The following PVT1 variants were observed in gnomAD, a reference collection of about 807,000 sequenced individuals.
PVT1 encodes the protein Pvt1 oncogene.
intron 3 of PVT1, chr8:127,960,528 T>C (rs1343097853): frequency 3.0e-6 from 1 of 328,056 alleles, no homozygotes; most frequent in South Asian, 2.8e-5. Context: ...AAGATGCTTT[T>C]GAAGTTCAGT....
chr8:127,864,771 AT>A (rs1273646901), intron 2 of PVT1, among the ~76,000 whole-genome samples: 2 of 151,942 alleles, frequency 1.3e-5, no homozygotes, highest in Admixed American at 1.3e-4. Flanking sequence ...GATGGTCTCG[AT>A]CTCCTGACCT....
chr8:128,049,139 C>G (rs778082643), intron 4 of PVT1: 7 of 526,440 alleles, frequency 1.3e-5, no homozygotes, highest in South Asian at 7.0e-5. Flanking sequence ...TCCTGGCCGC[C>G]AGGCCTCCAT....
intron 3 of PVT1, among the ~76,000 whole-genome samples, chr8:127,909,023 G>A (rs189350676): frequency 9.9e-5 from 15 of 152,122 alleles, no homozygotes; most frequent in Non-Finnish European, 1.5e-5. Flanking sequence ...TTTTCCCCAC[G>A]TGGCCCCTGC....
intron 4 of PVT1, among the ~76,000 whole-genome samples, chr8:128,029,478 A>C (rs776920441): frequency 6.6e-6 from 1 of 152,188 alleles, no homozygotes; most frequent in Non-Finnish European, 1.5e-5. Context: ...ACAATTTAAG[A>C]AATTTAGATA....
At chr8:128,002,079 C>T (rs1461803083) in intron 4 of PVT1, among the ~76,000 whole-genome samples, 1 of 152,214 alleles carries the variant, frequency 6.6e-6, no homozygotes, top group East Asian at 1.9e-4. Flanking sequence ...CTTTCTGTCC[C>T]TCTGATGCCA....
At chr8:127,984,915 T>TTC (rs754743990) in intron 3 of PVT1, among the ~76,000 whole-genome samples, 1,133 of 56,904 alleles carry the variant, frequency 0.02, 28 homozygotes, top group Non-Finnish European at 0.033. Flanking sequence ...CTTTCTTTCT[T>TTC]TCTTTCTCTT....
chr8:127,825,549 T>C (rs1814777856), intron 2 of PVT1, among the ~76,000 whole-genome samples: 1 of 152,210 alleles, frequency 6.6e-6, no homozygotes, highest in Non-Finnish European at 1.5e-5. Flanking sequence ...GGGCACAGCT[T>C]TGAAGGGCAC....
chr8:128,059,485 T>C (rs1813804371), intron 4 of PVT1, among the ~76,000 whole-genome samples: 1 of 152,196 alleles, frequency 6.6e-6, no homozygotes, highest in South Asian at 2.1e-4. Flanking sequence ...AAGAAGAATA[T>C]TTTGTGATAT....
intron 2 of PVT1, among the ~76,000 whole-genome samples, chr8:127,843,364 A>T (rs1333545026): frequency 6.6e-6 from 1 of 152,104 alleles, no homozygotes; most frequent in Non-Finnish European, 1.5e-5. Flanking sequence ...ACAAACAACA[A>T]AACAGGTAAT....
At chr8:127,990,990 A>G (rs754521708) in intron 4 of PVT1, among the ~76,000 whole-genome samples, 9 of 152,084 alleles carry the variant, frequency 5.9e-5, no homozygotes, top group African/African-American at 1.7e-4. Context: ...AATCCTTTCC[A>G]TTGTTTAGAG....
At chr8:127,906,539 T>C (rs955971697) in intron 3 of PVT1, among the ~76,000 whole-genome samples, 7 of 152,114 alleles carry the variant, frequency 4.6e-5, no homozygotes, top group African/African-American at 1.4e-4. Flanking sequence ...CTCTTTGGTG[T>C]GACGAATGGG....
At chr8:127,805,460 A>G (rs191933513) in intron 2 of PVT1, among the ~76,000 whole-genome samples, 133 of 152,234 alleles carry the variant, frequency 8.7e-4, no homozygotes, top group Admixed American at 2.7e-3. Context: ...TGAGATTTGC[A>G]CAGAAGCTGA....
chr8:127,885,420 G>A (rs1350530972), intron 2 of PVT1, among the ~76,000 whole-genome samples: 1 of 152,172 alleles, frequency 6.6e-6, no homozygotes, highest in Non-Finnish European at 1.5e-5. Flanking sequence ...TTCTGGAGGT[G>A]GGGAAGTCCA....
intron 2 of PVT1, among the ~76,000 whole-genome samples, chr8:127,879,731 G>A (rs1344206208): frequency 1.3e-5 from 2 of 152,144 alleles, no homozygotes; most frequent in East Asian, 3.8e-4. Flanking sequence ...CACAACCAAT[G>A]CTCTCAGAAC....
intron 5 of PVT1, among the ~76,000 whole-genome samples, chr8:128,087,940 G>A (rs1814280176): frequency 6.6e-6 from 1 of 151,644 alleles, no homozygotes; most frequent in Admixed American, 6.6e-5. Flanking sequence ...TGTGTTTTTA[G>A]CAGAGATGGG....
chr8:127,997,182 C>T (rs2130009509), intron 4 of PVT1, among the ~76,000 whole-genome samples: 1 of 151,664 alleles, frequency 6.6e-6, no homozygotes, highest in Non-Finnish European at 1.5e-5. Flanking sequence ...GCTGAGATTA[C>T]AGGCATGCGC....
intron 2 of PVT1, among the ~76,000 whole-genome samples, chr8:127,843,286 G>T (rs558048289): frequency 1.3e-5 from 2 of 152,220 alleles, no homozygotes. Flanking sequence ...TGGAGGTTGC[G>T]GTGAGCTGGG....
chr8:127,998,404 AAT>A (rs1282640004), intron 4 of PVT1: 1 of 152,138 alleles, frequency 6.6e-6, no homozygotes, highest in Non-Finnish European at 1.5e-5. Flanking sequence ...ATAATCCAAT[AAT>A]ATGGTTTTAT....
chr8:127,960,388 C>A (rs1816625948), intron 3 of PVT1, among the ~76,000 whole-genome samples: 2 of 152,044 alleles, frequency 1.3e-5, no homozygotes, highest in African/African-American at 2.4e-5. Context: ...TAGGAGACAC[C>A]CTTCCTGGAA....
Sources: gnomAD v4.1 joint callset for allele counts (sites outside exome capture counted in the v4.1 genomes callset) on GRCh38, gnomAD v4.1.1 for gene constraint, MANE v1.5 for transcripts, NCBI Gene and HGNC (gene_info 2026-07-23, HGNC 2026-07-21) for gene names.